DAB1: variants seen among roughly 807,000 people sequenced by gnomAD.
DAB1 encodes DAB adaptor protein 1, also known as disabled homolog 1.
A neutral mutation model predicts 64.6 loss-of-function variants in DAB1; 15 were observed. The ratio of observed to expected loss-of-function variants is 0.23; its 90% CI spans 0.16 to 0.36. DAB1 has a LOEUF of 0.36. Ranked by LOEUF, DAB1 falls within the 10% of genes least tolerant of loss-of-function variation. The pLI is 1.00. For missense variants in DAB1, 596 were observed against 706.7 expected, an observed-to-expected ratio of 0.84 and a Z score of 1.78; for synonymous variants, 235 against 251.9, an observed-to-expected ratio of 0.93 and a Z score of 0.64.
At position 57,704,878 on chromosome 1, in the gene DAB1, T is replaced by TTCCTTCCTTCC. The variant is rs374859083; in HGVS notation, n.552-55214_552-55213insGGAAGGAAGGA. Among the ~76,000 whole-genome samples, 1,386 of 146,360 alleles carry TTCCTTCCTTCC rather than the reference T, an allele frequency of 9.5e-3. 56 individuals carry two copies. Among genetic ancestry groups the TTCCTTCCTTCC allele is most frequent in the African/African-American group, 0.033 (1,309 of 39,666 alleles). On this transcript the variant is annotated intron_variant and non_coding_transcript_variant, in intron 6 of 20. Transcript: ENST00000485760. ...TGCCCTTGCTCTTTGGGAAATTTCT[T>TTCCTTCCTTCC]TTCCTTCCTTCCTTCCTTCCTTCCT... is the stretch of plus-strand genomic sequence containing the variant.
At chr1:58,019,949 G>T (rs1646793163) in intron 5 of DAB1, among the ~76,000 whole-genome samples, 1 of 152,158 alleles carries the variant, frequency 6.6e-6, no homozygotes, top group Non-Finnish European at 1.5e-5. Context: ...TCCCAGAGAA[G>T]CTGCAAAATA....
intron 4 of DAB1, among the ~76,000 whole-genome samples, chr1:58,257,913 T>C (rs1660969052): frequency 6.6e-6 from 1 of 152,230 alleles, no homozygotes; most frequent in South Asian, 2.1e-4. Flanking sequence ...CCCCTTACAC[T>C]TGATCTTGAT....
At chr1:57,617,546 C>T (rs530202329) in intron 7 of DAB1, among the ~76,000 whole-genome samples, 1 of 152,200 alleles carries the variant, frequency 6.6e-6, no homozygotes, top group African/African-American at 2.4e-5. Context: ...GCTCAGATGC[C>T]ATCTTAAAAT....
intron 5 of DAB1, among the ~76,000 whole-genome samples, chr1:58,061,795 A>G (rs575749755): frequency 2.0e-5 from 3 of 152,264 alleles, no homozygotes; most frequent in African/African-American, 7.2e-5. Flanking sequence ...TGCACCCCAT[A>G]GGGTTGTGTG....
At chr1:57,398,114 C>T (rs941400481) in intron 1 of DAB1, among the ~76,000 whole-genome samples, 2 of 152,194 alleles carry the variant, frequency 1.3e-5, no homozygotes, top group African/African-American at 4.8e-5. Context: ...TAAGGCTTTT[C>T]ACTCATACAT....
chr1:57,872,395 A>T (rs553409148), intron 1 of DAB1, among the ~76,000 whole-genome samples: 5 of 152,188 alleles, frequency 3.3e-5, no homozygotes, highest in Non-Finnish European at 7.4e-5. Flanking sequence ...ATATCTATGA[A>T]CCAGGAAGTA....
intron 2 of DAB1, among the ~76,000 whole-genome samples, chr1:57,255,204 A>G (rs573626330): frequency 6.6e-6 from 1 of 152,346 alleles, no homozygotes; most frequent in South Asian, 2.1e-4. Flanking sequence ...AATATGTCAG[A>G]AGCAGGCTCC....
At chr1:57,796,895 C>A (rs569696392) in intron 6 of DAB1, among the ~76,000 whole-genome samples, 2 of 152,128 alleles carry the variant, frequency 1.3e-5, no homozygotes, top group Admixed American at 1.3e-4. Context: ...GTTCACTGAC[C>A]AGTCATTTCT....
chr1:57,196,073 A>T (rs938223773), intron 2 of DAB1, among the ~76,000 whole-genome samples: 2 of 152,160 alleles, frequency 1.3e-5, no homozygotes, highest in African/African-American at 2.4e-5. Flanking sequence ...AGTGGGATGA[A>T]GAAGGGCCAA....
chr1:57,059,964 T>C (rs1027493523), intron 9 of DAB1, among the ~76,000 whole-genome samples: 2 of 152,006 alleles, frequency 1.3e-5, no homozygotes, highest in Non-Finnish European at 2.9e-5. Context: ...GAACAGCGGG[T>C]TGGGAGCCAC....
chr1:57,751,034 CA>C (rs1044081291), intron 6 of DAB1, among the ~76,000 whole-genome samples: 2 of 152,064 alleles, frequency 1.3e-5, no homozygotes, highest in African/African-American at 4.8e-5. Context: ...GGGCAGCCAC[CA>C]AAGGTGGCCA....
In DAB1 at chr1:58,495,225, C is replaced by T. The variant is rs534599841; in HGVS notation, n.257+10835G>A. ...ATAGGTGGGAACAGAACAATGAGAACACATGGACACAGGAAGGGGAACATC... is the reference window on the plus strand; with the variant it reads ...ATAGGTGGGAACAGAACAATGAGAATACATGGACACAGGAAGGGGAACATC... On this transcript the variant is annotated intron_variant and non_coding_transcript_variant, in intron 3 of 20. Coordinates refer to the DAB1 transcript ENST00000485760. 4.4e-4 allele frequency among the ~76,000 whole-genome samples: 67 copies of T among 152,120 alleles called. 1 individual carries two copies. The highest frequency in any genetic ancestry group is 6.8e-3 in the Middle Eastern group (2 of 294).
intron 3 of DAB1, among the ~76,000 whole-genome samples, chr1:58,386,319 C>T (rs338941): frequency 0.73 from 111,265 of 152,044 alleles, 42,006 homozygotes; most frequent in African/African-American, 0.93. Flanking sequence ...ATACGTTCTA[C>T]ACTCAAGGTT....
chr1:58,201,289 T>C (rs1457636288), intron 4 of DAB1, among the ~76,000 whole-genome samples: 10 of 152,172 alleles, frequency 6.6e-5, no homozygotes, highest in Admixed American at 5.9e-4. Context: ...ATTCTGGTAT[T>C]TTGTTTTATT....
At chr1:57,649,700 A>C (rs1646234115) in intron 6 of DAB1, 1 of 152,226 alleles carries the variant, frequency 6.6e-6, no homozygotes, top group Non-Finnish European at 1.5e-5. Context: ...TTAAAAAAGT[A>C]AATATTAATT....
At chr1:57,759,230 GC>G (rs1247429581) in intron 6 of DAB1, among the ~76,000 whole-genome samples, 1 of 152,156 alleles carries the variant, frequency 6.6e-6, no homozygotes, top group African/African-American at 2.4e-5. Flanking sequence ...GGTAAAGGGA[GC>G]CACACTGTCT....
intron 7 of DAB1, among the ~76,000 whole-genome samples, chr1:57,583,958 T>G (rs1451814722): frequency 1.3e-5 from 2 of 152,214 alleles, no homozygotes; most frequent in Non-Finnish European, 2.9e-5. Flanking sequence ...TCTGTTAAAG[T>G]GAACTAAATA....
rs569818589 is a variant in DAB1, at chr1:57,853,681, C to G, written n.88-27226G>C. Among the ~76,000 whole-genome samples the G allele has an allele frequency of 2.1e-3, 322 of 152,104 alleles. 1 individual carries two copies. Among genetic ancestry groups the G allele is most frequent in the South Asian group, 0.019 (92 of 4,820 alleles). ...ACATTTCTTAAAGTTCCAAATTGTC[C>G]AGAACTAGAATGAGTTGTTCCCTTT... On this transcript the variant is annotated intron_variant and non_coding_transcript_variant, in intron 1 of 1. Coordinates refer to the DAB1 transcript ENST00000477280.
At chr1:57,591,554 C>T (rs972594383) in intron 7 of DAB1, among the ~76,000 whole-genome samples, 29 of 152,094 alleles carry the variant, frequency 1.9e-4, no homozygotes, top group Non-Finnish European at 3.7e-4. Context: ...AAATGGATCT[C>T]GGTTCAAATC....
Sources: allele counts gnomAD v4.1 joint callset (sites outside exome capture counted in the v4.1 genomes callset), GRCh38; gene constraint gnomAD v4.1.1; transcripts MANE v1.5; gene names NCBI Gene and HGNC (gene_info 2026-07-23, HGNC 2026-07-21).